PDPN: variants seen among roughly 807,000 people sequenced by gnomAD.
PDPN encodes the protein podoplanin.
In PDPN, 12 loss-of-function variants were observed where a neutral mutation model predicts 23.2. That is an observed-to-expected ratio of 0.52 (90% CI 0.33 to 0.84). The LOEUF (loss-of-function observed/expected upper bound fraction) is 0.84. PDPN is among the 40% of genes least tolerant of loss of function. PDPN has a pLI of 0.02. For synonymous variants in PDPN, 77 were observed against 76.7 expected (o/e 1.00, Z -0.02); for missense variants, 199 against 212.2 (o/e 0.94, Z 0.39).
intron 1 of PDPN, among the ~76,000 whole-genome samples, chr1:13,585,909 G>T (rs956185702): frequency 6.6e-6 from 1 of 152,104 alleles, no homozygotes; most frequent in Non-Finnish European, 1.5e-5. Context: ...TGAATTTTAT[G>T]ATCCTTTTCA....
intron 5 of PDPN, 23 bp downstream of exon 5, chr1:13,614,434 T>A (rs1244503202): frequency 8.8e-7 from 1 of 1,138,534 alleles, no homozygotes; most frequent in East Asian, 2.3e-5. Flanking sequence ...CTTACACCCA[T>A]GTGATAGGCA....
Position 13,607,280 on chromosome 1 carries a change from C to A in PDPN, c.175C>A (p.Arg59Ser), listed in dbSNP as rs148537739. Residue 59 changes from arginine (R) to serine (S), a missense_variant, in exon 2 of 6, where the codon CGC (arginine) becomes AGC (serine). Coordinates refer to ENST00000621990, the MANE Select transcript of PDPN (RefSeq NM_006474.5). ...DVVTPGTSED[R>S]YKSGLTTLVA... Reference sequence around the variant, plus strand: ...GGTGACTCCAGGAACCAGCGAAGACCGCTATAAGTCTGGCTTGACAACTCT... The same window carrying A: ...GGTGACTCCAGGAACCAGCGAAGACAGCTATAAGTCTGGCTTGACAACTCT... 1.1e-4 allele frequency: 178 copies of A among 1,613,920 alleles called. No individual in the cohort carries two copies. The highest frequency in any genetic ancestry group is 1.5e-4 in the Non-Finnish European group (175 of 1,179,966).
chr1:13,596,263 A>G (rs959080230), intron 1 of PDPN, among the ~76,000 whole-genome samples: 7 of 152,012 alleles, frequency 4.6e-5, no homozygotes, highest in Non-Finnish European at 7.4e-5. Flanking sequence ...CTCAAGAGGC[A>G]TCTGCTAAAT....
rs372542181 is a variant in PDPN, at chr1:13,589,904, C to T, written c.67+5804C>T. Among the ~76,000 whole-genome samples the T allele has an allele frequency of 1.6e-4, 24 of 152,226 alleles. No individual in the cohort carries two copies. The South Asian group carries it at 5.0e-3, about 32-fold the overall frequency. ...GTGCAGTGGTGCGATCCCAGCTCAC[C>T]GCAACCTCCGACCCCCAGGTTCCAA... is the stretch of plus-strand genomic sequence containing the variant. On this transcript the variant is annotated intron_variant, in intron 1 of 5. Transcript: ENST00000621990.
intron 1 of PDPN, among the ~76,000 whole-genome samples, chr1:13,599,011 C>CTTTTTTTTTTTTTTTTTTTTTTTTTTT (rs35244657): frequency 2.4e-5 from 3 of 127,054 alleles, no homozygotes; most frequent in Non-Finnish European, 3.3e-5. Flanking sequence ...GCCCCCCCTC[C>CTTTTTTTTTTTTTTTTTTTTTTTTTTT]TTTTTTTTTT....
intron 1 of PDPN, among the ~76,000 whole-genome samples, chr1:13,598,776 C>T (rs995718152): frequency 6.6e-6 from 1 of 152,128 alleles, no homozygotes; most frequent in African/African-American, 2.4e-5. Context: ...CAGCTGTTCC[C>T]CTATCTGGAA....
intron 2 of PDPN, among the ~76,000 whole-genome samples, chr1:13,607,891 G>A (rs1243710421): frequency 6.6e-6 from 1 of 152,112 alleles, no homozygotes; most frequent in Non-Finnish European, 1.5e-5. Flanking sequence ...GATCACCTGA[G>A]GTCAGGAGTT....
intron 5 of PDPN, among the ~76,000 whole-genome samples, chr1:13,615,286 CTTTT>C (rs1339349602): frequency 1.6e-5 from 2 of 126,494 alleles, no homozygotes; most frequent in East Asian, 4.6e-4. Flanking sequence ...CTTTCTCTTT[CTTTT>C]TCTTTTTCTT....
chr1:13,615,908 C>A lies in PDPN; in HGVS notation c.486C>A (p.Pro162=). Residue 162 remains proline (P), a synonymous_variant, in exon 6 of 6, where the codon CCC becomes CCA. Coordinates refer to ENST00000621990, the MANE Select transcript of PDPN (RefSeq NM_006474.5). The part of the protein sequence containing the change: ...VMRKMSGRYS[P] ...TCACCCTTCTCTATTTTCACAGGCC[C>A]TAAAGAGCTGAAGGGTTACGCCCTG... 6.2e-7 allele frequency: 1 copy of A among 1,613,438 alleles called. No individual in the cohort carries two copies. The highest frequency in any genetic ancestry group is 8.5e-7 in the Non-Finnish European group (1 of 1,179,402).
Position 13,610,462 on chromosome 1 carries a change from C to G in PDPN, c.277C>G (p.Gln93Glu), listed in dbSNP as rs1340003266. 1 of 1,614,096 alleles carries G rather than the reference C, an allele frequency of 6.2e-7. No homozygotes were observed. The highest frequency in any genetic ancestry group is 1.7e-5 in the Admixed American group (1 of 60,022). Reference sequence around the variant, plus strand: ...AACTTCAGAAAGCACAGTCCACGCGCAAGAACAAAGTCCAAGCGCCACAGC... The same window carrying G: ...AACTTCAGAAAGCACAGTCCACGCGGAAGAACAAAGTCCAAGCGCCACAGC... ...LPTSESTVHA[Q>E]EQSPSATASN... Residue 93 changes from glutamine to glutamate, a missense_variant, in exon 3 of 6, where the codon CAA (glutamine) becomes GAA (glutamate). Physicochemically the swap from Gln to Glu is conservative, Grantham distance 29. Coordinates refer to ENST00000621990, the MANE Select transcript of PDPN (RefSeq NM_006474.5).
chr1:13,597,793 G>A (rs1296550948), intron 1 of PDPN, among the ~76,000 whole-genome samples: 1 of 152,024 alleles, frequency 6.6e-6, no homozygotes, highest in African/African-American at 2.4e-5. Flanking sequence ...ACAACATAGT[G>A]AGACCCTGTG....
intron 1 of PDPN, among the ~76,000 whole-genome samples, chr1:13,603,180 C>T (rs1267188503): frequency 2.6e-5 from 4 of 152,076 alleles, no homozygotes; most frequent in African/African-American, 4.8e-5. Context: ...GTCAGGAGTT[C>T]GAGACTAGCC....
intron 1 of PDPN, among the ~76,000 whole-genome samples, chr1:13,605,026 C>T (rs376600484): frequency 6.6e-6 from 1 of 152,222 alleles, no homozygotes; most frequent in Non-Finnish European, 1.5e-5. Context: ...CCAAAGCCAT[C>T]TCTACTGGAT....
intron 1 of PDPN, among the ~76,000 whole-genome samples, chr1:13,586,377 A>G (rs567585381): frequency 7.2e-5 from 11 of 152,356 alleles, no homozygotes; most frequent in Admixed American, 2.0e-4. Flanking sequence ...GCACTGGTGT[A>G]TAAGATCCAA....
chr1:13,594,908 T>C (rs1640450682), intron 1 of PDPN, among the ~76,000 whole-genome samples: 1 of 147,326 alleles, frequency 6.8e-6, no homozygotes, highest in South Asian at 2.1e-4. Flanking sequence ...GGCGGGAGAA[T>C]GGCGTGAACC....
intron 2 of PDPN, among the ~76,000 whole-genome samples, chr1:13,609,855 G>A (rs1028739279): frequency 1.3e-5 from 2 of 151,894 alleles, no homozygotes; most frequent in Non-Finnish European, 2.9e-5. Flanking sequence ...ACCTGAGGTC[G>A]GGAGTTCGAG....
chr1:13,616,116 C>G lies in PDPN; in HGVS notation c.*205C>G, dbSNP rs772670454. On this transcript the variant is annotated 3_prime_UTR_variant, in exon 6 of 6. Coordinates refer to ENST00000621990, the MANE Select transcript of PDPN (RefSeq NM_006474.5). ...TTGGCTCCTCTAAACATTTGCTGTT[C>G]AAACATGTTTTTGAATATACATTCT... is the stretch of plus-strand genomic sequence containing the variant. 1 of 595,196 alleles carries G rather than the reference C, an allele frequency of 1.7e-6. No homozygotes were observed. The allele number at this position is 595,196 out of a possible 1,614,324, so 36.9% of individuals were successfully genotyped here.
At chr1:13,595,857 C>T (rs1358768829) in intron 1 of PDPN, 2 of 1,287,892 alleles carry the variant, frequency 1.6e-6, no homozygotes, top group Non-Finnish European at 2.0e-6. Context: ...GGGGGTGAAG[C>T]CTGGTGGACA....
chr1:13,605,599 C>G (rs554480047), intron 1 of PDPN, among the ~76,000 whole-genome samples: 2 of 152,234 alleles, frequency 1.3e-5, no homozygotes, highest in South Asian at 2.1e-4. Flanking sequence ...GCCTGGTAGT[C>G]CACTCCAATT....
Sources: allele counts gnomAD v4.1 joint callset (sites outside exome capture counted in the v4.1 genomes callset), GRCh38; gene constraint gnomAD v4.1.1; transcripts MANE v1.5; gene names NCBI Gene and HGNC (gene_info 2026-07-23, HGNC 2026-07-21).